The following PIP5K1B variants were observed in gnomAD, a reference collection of about 807,000 sequenced individuals.
PIP5K1B encodes the protein phosphatidylinositol 4-phosphate 5-kinase type-1 beta.
PIP5K1B carries 42 observed loss-of-function variants against 67.0 expected under a neutral mutation model. That is an observed-to-expected ratio of 0.63 (90% confidence interval 0.49 to 0.81). The LOEUF is 0.81. Among genes scored for constraint, PIP5K1B ranks in the 30% least tolerant of loss-of-function variants. PIP5K1B has a pLI of 0.00. For missense variants in PIP5K1B, 459 were observed against 646.3 expected (o/e 0.71, Z 3.14); for synonymous variants, 214 against 231.4 (o/e 0.92, Z 0.68).
chr9:68,806,461 C>T (rs780486981), intron 2 of PIP5K1B, among the ~76,000 whole-genome samples: 17 of 152,144 alleles, frequency 1.1e-4, no homozygotes, highest in African/African-American at 3.9e-4. Flanking sequence ...GTTTTCGCTT[C>T]CCATTTTATC....
intron 1 of PIP5K1B, among the ~76,000 whole-genome samples, chr9:68,731,940 C>G (rs1455655968): frequency 6.6e-6 from 1 of 152,168 alleles, no homozygotes; most frequent in Non-Finnish European, 1.5e-5. Context: ...AAACTGCAAC[C>G]CTTTTTTAAT....
At chr9:68,721,711 G>T (rs888030758) in intron 1 of PIP5K1B, among the ~76,000 whole-genome samples, 1 of 152,186 alleles carries the variant, frequency 6.6e-6, no homozygotes, top group Non-Finnish European at 1.5e-5. Flanking sequence ...GGACATGAAG[G>T]TGGAGAGTCT....
At chr9:68,981,903 G>T (rs1217759644) in intron 14 of PIP5K1B, among the ~76,000 whole-genome samples, 1 of 151,956 alleles carries the variant, frequency 6.6e-6, no homozygotes, top group Non-Finnish European at 1.5e-5. Flanking sequence ...CTCCTGTACT[G>T]CTCTCACCTG....
chr9:68,914,725 AT>A lies in PIP5K1B; in HGVS notation c.772-2822del, dbSNP rs532476079. On this transcript the variant is annotated intron_variant, in intron 8 of 15. Transcript: ENST00000265382. ...GCAAGACTCCATCTCAATAAAAAAAATAAACAAATAAATAAATAAATAAAAA... is the reference window on the plus strand; with the variant it reads ...GCAAGACTCCATCTCAATAAAAAAAAAAACAAATAAATAAATAAATAAAAA... Among the ~76,000 whole-genome samples the A allele has an allele frequency of 4.2e-3, 640 of 152,132 alleles. 4 individuals are homozygous for A. The highest frequency in any genetic ancestry group is 0.01 in the Middle Eastern group (3 of 294).
intron 5 of PIP5K1B, among the ~76,000 whole-genome samples, chr9:68,872,386 A>C (rs192352363): frequency 6.6e-6 from 1 of 152,222 alleles, no homozygotes; most frequent in East Asian, 1.9e-4. Context: ...AGCTTCATTC[A>C]TGTCAAGCTG....
intron 5 of PIP5K1B, among the ~76,000 whole-genome samples, chr9:68,869,591 C>T (rs1236506225): frequency 2.6e-5 from 4 of 152,192 alleles, no homozygotes; most frequent in African/African-American, 7.2e-5. Context: ...AAATTGTCTG[C>T]GGCTGCTATC....
chr9:68,745,678 C>T (rs1022425562), intron 2 of PIP5K1B, among the ~76,000 whole-genome samples: 6 of 152,182 alleles, frequency 3.9e-5, no homozygotes, highest in Non-Finnish European at 5.9e-5. Context: ...AGGAAGCTCC[C>T]TCTCTGCTGC....
intron 14 of PIP5K1B, among the ~76,000 whole-genome samples, chr9:68,989,863 C>G (rs1830281712): frequency 6.6e-6 from 1 of 152,044 alleles, no homozygotes; most frequent in African/African-American, 2.4e-5. Context: ...ACCTGTGATC[C>G]CAGCTACTCG....
At chr9:68,793,085 G>GTATGTGTATACACATATAGTA (rs1832079123) in intron 2 of PIP5K1B, among the ~76,000 whole-genome samples, 1 of 151,774 alleles carries the variant, frequency 6.6e-6, no homozygotes, top group Non-Finnish European at 1.5e-5. Context: ...GTGTATGTGT[G>GTATGTGTATACACATATAGTA]TATGTGTATA....
intron 2 of PIP5K1B, among the ~76,000 whole-genome samples, chr9:68,797,894 G>C (rs1019425729): frequency 6.6e-6 from 1 of 152,198 alleles, no homozygotes; most frequent in Non-Finnish European, 1.5e-5. Flanking sequence ...TTCAAACAAA[G>C]TAGATTTATA....
chr9:69,006,246 GGTT>G (rs1196668372), intron 15 of PIP5K1B, among the ~76,000 whole-genome samples: 5 of 152,036 alleles, frequency 3.3e-5, no homozygotes, highest in Non-Finnish European at 7.4e-5. Flanking sequence ...AGTTGTCCTG[GGTT>G]CTGGCTTCTG....
chr9:68,795,090 T>G (rs1039472451), intron 2 of PIP5K1B, among the ~76,000 whole-genome samples: 1 of 152,210 alleles, frequency 6.6e-6, no homozygotes, highest in African/African-American at 2.4e-5. Context: ...CTAGGTAGTA[T>G]TGGTTTTCCT....
At chr9:68,956,671 T>C (rs533588733) in intron 14 of PIP5K1B, among the ~76,000 whole-genome samples, 1 of 152,350 alleles carries the variant, frequency 6.6e-6, no homozygotes, top group Admixed American at 6.5e-5. Flanking sequence ...TGATATCTTA[T>C]AAATCTCATC....
chr9:69,008,827 T>C lies in PIP5K1B; in HGVS notation c.*378T>C, dbSNP rs1299692513. On this transcript the variant is annotated 3_prime_UTR_variant, in exon 16 of 16. Coordinates refer to ENST00000265382, the MANE Select transcript of PIP5K1B (RefSeq NM_003558.4). ...TACATAAGCAACATATGTAATCTGC[T>C]TATATATTTTTAAAAATCCATCCAC... 1 of 173,972 alleles carries C rather than the reference T, an allele frequency of 5.7e-6. No individual in the cohort carries two copies. The highest frequency in any genetic ancestry group is 2.4e-5 in the African/African-American group (1 of 42,498). 10.8% of individuals were successfully genotyped at this position (173,972 alleles called of 1,614,324 possible). A position where few individuals can be genotyped will look rare whatever the true frequency, so the allele number is the denominator to read the frequency against.
At chr9:68,832,861 G>A (rs1345403323) in intron 4 of PIP5K1B, among the ~76,000 whole-genome samples, 2 of 152,206 alleles carry the variant, frequency 1.3e-5, no homozygotes, top group Non-Finnish European at 1.5e-5. Flanking sequence ...ATCAGGAATC[G>A]TTTGGTTATT....
rs189480897 is a variant in PIP5K1B, at chr9:68,786,425, A to T, written c.-85-32036A>T. On this transcript the variant is annotated intron_variant, in intron 2 of 15. Coordinates refer to ENST00000265382, the MANE Select transcript of PIP5K1B (RefSeq NM_003558.4). The stretch of plus-strand genomic sequence containing the variant: ...TTTTCTCAAGTCCCTATTACTGTCT[A>T]TTTTTTTTCCTTTTGAATTTAGGCC... 4.2e-3 allele frequency among the ~76,000 whole-genome samples: 633 copies of T among 150,972 alleles called. 3 individuals carry two copies. Among genetic ancestry groups the T allele is most frequent in the Middle Eastern group, 0.02 (6 of 294 alleles).
intron 2 of PIP5K1B, among the ~76,000 whole-genome samples, chr9:68,778,423 AAAT>A (rs1285664858): frequency 6.6e-6 from 1 of 152,202 alleles, no homozygotes; most frequent in South Asian, 2.1e-4. Context: ...CTCTCTCAGT[AAAT>A]AATACTACCA....
intron 8 of PIP5K1B, among the ~76,000 whole-genome samples, chr9:68,910,585 T>A (rs999236245): frequency 6.6e-6 from 1 of 152,210 alleles, no homozygotes; most frequent in Non-Finnish European, 1.5e-5. Flanking sequence ...CAAAATGCAC[T>A]AAGTCAAACC....
chr9:68,791,945 C>T (rs565495087), intron 2 of PIP5K1B, among the ~76,000 whole-genome samples: 1 of 152,334 alleles, frequency 6.6e-6, no homozygotes, highest in East Asian at 1.9e-4. Flanking sequence ...TGCTTTCAGA[C>T]AAGCTGTGTC....
Sources: allele counts gnomAD v4.1 joint callset (sites outside exome capture counted in the v4.1 genomes callset), GRCh38; gene constraint gnomAD v4.1.1; transcripts MANE v1.5; gene names NCBI Gene and HGNC (gene_info 2026-07-23, HGNC 2026-07-21).